KLF13: variants seen among roughly 807,000 people sequenced by gnomAD.
KLF13 encodes Krueppel-like factor 13.
A neutral mutation model predicts 16.7 loss-of-function variants in KLF13; 8 were observed. The ratio of observed to expected loss-of-function variants is 0.48; its 90% CI spans 0.28 to 0.87. The LOEUF is 0.87. KLF13 is among the 40% of genes least tolerant of loss of function. The pLI, the probability that KLF13 is intolerant of heterozygous loss-of-function variation, is 0.10. For synonymous variants in KLF13, 245 were observed against 208.4 expected, an observed-to-expected ratio of 1.18 and a Z score of -1.51; for missense variants, 447 against 452.2, an observed-to-expected ratio of 0.99 and a Z score of 0.10.
Position 31,375,160 on chromosome 15 carries a change from A to G in KLF13, c.*2861A>G, listed in dbSNP as rs1011126245. The G allele has an allele frequency of 6.6e-6, 1 of 152,372 alleles. No individual in the cohort carries two copies. Among genetic ancestry groups the G allele is most frequent in the African/African-American group, 2.4e-5 (1 of 41,410 alleles). 9.4% of individuals were successfully genotyped at this position (152,372 alleles called of 1,614,324 possible). A position where few individuals can be genotyped will look rare whatever the true frequency, so the allele number is the denominator to read the frequency against. On this transcript the variant is annotated 3_prime_UTR_variant, in exon 2 of 2. Coordinates refer to ENST00000307145, the MANE Select transcript of KLF13 (RefSeq NM_015995.4). ...GACCCTCCTGAATCATCTGCGGCTT[A>G]AACTCATCTCGCTTGAAGGGCAGGG...
exon 2 of KLF13, chr15:31,393,639 A>G (rs770351424): frequency 6.6e-6 from 1 of 152,460 alleles, no homozygotes; most frequent in Non-Finnish European, 1.5e-5. Flanking sequence ...AAGACCAGAG[A>G]GGAAGCAAAG....
intron 1 of KLF13, among the ~76,000 whole-genome samples, chr15:31,358,103 G>T (rs547752118): frequency 2.6e-5 from 4 of 152,236 alleles, no homozygotes; most frequent in African/African-American, 9.6e-5. Context: ...GGTAGGGGGC[G>T]GCTGAGAGTT....
At chr15:31,328,891 C>T (rs1230051031) in intron 1 of KLF13, among the ~76,000 whole-genome samples, 3 of 152,164 alleles carry the variant, frequency 2.0e-5, no homozygotes, top group Non-Finnish European at 4.4e-5. Flanking sequence ...GGGGCAGGCT[C>T]AAAACCCGTC....
chr15:31,404,938 T>G (rs1458773438), downstream of KLF13, among the ~76,000 whole-genome samples: 1 of 152,102 alleles, frequency 6.6e-6, no homozygotes, highest in Admixed American at 6.5e-5. Context: ...TGGGGGGAGC[T>G]CTTTGCTCTA....
chr15:31,427,323 TA>T (rs1015553953), intron 1 of KLF13, among the ~76,000 whole-genome samples: 5 of 143,362 alleles, frequency 3.5e-5, no homozygotes, highest in African/African-American at 1.5e-4. Flanking sequence ...AGGACCACTG[TA>T]AAAAAACAAA....
chr15:31,339,951 A>G (rs549540026), intron 1 of KLF13: 49 of 702,350 alleles, frequency 7.0e-5, no homozygotes, highest in South Asian at 7.0e-4. Flanking sequence ...CCCATGGATT[A>G]TCTTGTAAAG....
At chr15:31,388,855 T>C (rs2039827371), upstream of KLF13, among the ~76,000 whole-genome samples, 1 of 137,236 alleles carries the variant, frequency 7.3e-6, no homozygotes, top group African/African-American at 2.7e-5. Flanking sequence ...GGGATTAAAC[T>C]TTTTTTTTTT....
At chr15:31,366,948 A>G (rs888554947) in intron 1 of KLF13, among the ~76,000 whole-genome samples, 7 of 152,248 alleles carry the variant, frequency 4.6e-5, no homozygotes, top group Non-Finnish European at 8.8e-5. Flanking sequence ...ATGCTACAGG[A>G]TGTGTGACAG....
At position 31,327,029 on chromosome 15, in the gene KLF13, G is replaced by A. The variant is rs988610741; in HGVS notation, c.-184G>A. 8.6e-6 allele frequency: 3 copies of A among 347,926 alleles called. No homozygotes were observed. The highest frequency in any genetic ancestry group is 2.2e-5 in the African/African-American group (1 of 45,000). The allele number at this position is 347,926 out of a possible 1,614,324, so 21.6% of individuals were successfully genotyped here. A position where few individuals can be genotyped will look rare whatever the true frequency, so the allele number is the denominator to read the frequency against. ...CTCTTCGGTGCCCGGCCGGGCCGGC[G>A]CCTCGCAGACGCGGAGCCGCGCGGG... On this transcript the variant is annotated 5_prime_UTR_variant, in exon 1 of 2. Transcript: ENST00000307145.
chr15:31,341,255 T>C (rs907307948), intron 1 of KLF13, among the ~76,000 whole-genome samples: 3 of 152,302 alleles, frequency 2.0e-5, no homozygotes, highest in South Asian at 4.1e-4. Context: ...GGGTTTTCAC[T>C]GTGAAGTGGG....
chr15:31,349,488 G>A (rs532823698), intron 1 of KLF13, among the ~76,000 whole-genome samples: 1 of 152,206 alleles, frequency 6.6e-6, no homozygotes, highest in African/African-American at 2.4e-5. Flanking sequence ...CACTTGCCTC[G>A]TTCTGCACTG....
chr15:31,373,186 C>T lies in KLF13; in HGVS notation c.*887C>T, dbSNP rs2039584951. The T allele has an allele frequency of 6.6e-6, 1 of 152,270 alleles. No homozygotes were observed. The highest frequency in any genetic ancestry group is 1.5e-5 in the Non-Finnish European group (1 of 68,060). The allele number at this position is 152,270 out of a possible 1,614,324, so 9.4% of individuals were successfully genotyped here. On this transcript the variant is annotated 3_prime_UTR_variant, in exon 2 of 2. Transcript: ENST00000307145. Reference sequence around the variant, plus strand: ...GCCTCTGATGGGGAATTCTGGTCTTCTAAAAAGATGTTAGAAATTCCTGGT... The same window carrying T: ...GCCTCTGATGGGGAATTCTGGTCTTTTAAAAAGATGTTAGAAATTCCTGGT...
At chr15:31,367,681 A>G (rs2140962860) in intron 1 of KLF13, among the ~76,000 whole-genome samples, 1 of 152,328 alleles carries the variant, frequency 6.6e-6, no homozygotes, top group East Asian at 1.9e-4. Context: ...ACAGGCCCAA[A>G]TCAGAGGAGA....
At chr15:31,328,329 G>C (rs1451838321) in intron 1 of KLF13, among the ~76,000 whole-genome samples, 1 of 151,816 alleles carries the variant, frequency 6.6e-6, no homozygotes, top group Non-Finnish European at 1.5e-5. Flanking sequence ...CACATTCTTC[G>C]CTCTCTTCTT....
chr15:31,397,356 G>T lies in KLF13; in HGVS notation n.529+3665G>T, dbSNP rs915134490. 2.0e-4 allele frequency among the ~76,000 whole-genome samples: 30 copies of T among 152,342 alleles called. 1 individual carries two copies. Among genetic ancestry groups the T allele is most frequent in the Admixed American group, 1.9e-3 (29 of 15,310 alleles). ...ATAATTACCGGGAGAATAATTACGA[G>T]CCCAGAGAGCCGCCGACCCCGCCCA... On this transcript the variant is annotated intron_variant and non_coding_transcript_variant, in intron 2 of 2. Coordinates refer to the KLF13 transcript ENST00000500533.
At chr15:31,413,197 A>AC (rs1437560248) in intron 1 of KLF13, among the ~76,000 whole-genome samples, 4 of 149,422 alleles carry the variant, frequency 2.7e-5, no homozygotes, top group African/African-American at 7.3e-5. Context: ...CAAAAAAAAA[A>AC]AAAAACAAAA....
In KLF13 at chr15:31,376,864, C is replaced by A. The variant is rs2039655258; in HGVS notation, c.*4565C>A. On this transcript the variant is annotated 3_prime_UTR_variant, in exon 2 of 2. Coordinates refer to ENST00000307145, the MANE Select transcript of KLF13 (RefSeq NM_015995.4). ...GGCCACCTGGCCCTGCCCTGCCTCT[C>A]TCTTTCTCATACAGCTTTAAAACTT... 1 of 152,548 alleles carries A rather than the reference C, an allele frequency of 6.6e-6. No individual in the cohort carries two copies. Among genetic ancestry groups the A allele is most frequent in the African/African-American group, 2.4e-5 (1 of 41,492 alleles). 9.4% of individuals were successfully genotyped at this position (152,548 alleles called of 1,614,324 possible).
intron 1 of KLF13, among the ~76,000 whole-genome samples, chr15:31,362,649 T>A (rs2039406989): frequency 6.6e-6 from 1 of 152,234 alleles, no homozygotes; most frequent in South Asian, 2.1e-4. Flanking sequence ...TGCATTTGTG[T>A]GTTTTAGAAT....
At position 31,327,667 on chromosome 15, in the gene KLF13, G is replaced by C; in HGVS notation, c.455G>C (p.Arg152Pro). The stretch of plus-strand genomic sequence containing the variant: ...GAGCCCGGCCTCAGACAAAGGGTCC[G>C]GCGGGGCCGAAGTCGCGCCGACCTC... ...SGEPGLRQRV[R>P]RGRSRADLES... Residue 152 changes from arginine (R) to proline (P), a missense_variant, in exon 1 of 2, where the codon CGG (arginine) becomes CCG (proline). Arg to Pro is a moderately radical substitution (Grantham distance 103). This residue lies in a region of KLF13 where 359 missense variants were observed against 282.8 expected (regional missense o/e 1.27). Coordinates refer to ENST00000307145, the MANE Select transcript of KLF13 (RefSeq NM_015995.4). 2 of 1,505,304 alleles carry C rather than the reference G, an allele frequency of 1.3e-6. No individual in the cohort carries two copies. The highest frequency in any genetic ancestry group is 1.8e-6 in the Non-Finnish European group (2 of 1,122,580). The allele number at this position is 1,505,304 out of a possible 1,614,324, so 93.2% of individuals were successfully genotyped here. A position where few individuals can be genotyped will look rare whatever the true frequency, so the allele number is the denominator to read the frequency against.
Sources: gnomAD v4.1 joint callset for allele counts (sites outside exome capture counted in the v4.1 genomes callset) on GRCh38, gnomAD v4.1.1 for gene constraint, gnomAD v4.1.1 regional missense constraint, MANE v1.5 for transcripts, NCBI Gene and HGNC (gene_info 2026-07-23, HGNC 2026-07-21) for gene names.